CNOT4: variants seen among roughly 807,000 people sequenced by gnomAD.
CNOT4 encodes the protein CCR4-NOT transcription complex subunit 4, also known as CCR4-associated factor 4.
A neutral mutation model predicts 73.8 loss-of-function variants in CNOT4; 8 were observed. The ratio of observed to expected loss-of-function variants is 0.11; its 90% confidence interval spans 0.06 to 0.20. The LOEUF (loss-of-function observed/expected upper bound fraction) is 0.20, where lower values mean the gene tolerates loss of function less well. CNOT4 is among the 10% of genes least tolerant of loss of function. The pLI, the probability that CNOT4 is intolerant of heterozygous loss-of-function variation, is 1.00. For synonymous variants in CNOT4, 293 were observed against 321.1 expected (o/e 0.91, Z 0.94); for missense variants, 564 against 883.4 (o/e 0.64, Z 4.58).
chr7:135,505,244 G>A (rs1447211754), intron 1 of CNOT4, among the ~76,000 whole-genome samples: 1 of 152,084 alleles, frequency 6.6e-6, no homozygotes. Flanking sequence ...TGTATAAACA[G>A]AGTTTAATAA....
In CNOT4 at chr7:135,497,193, A is replaced by AG. The variant is rs755342883; in HGVS notation, c.-93+12695dup. ...GAAGCCGAGGCAGGCGGATTGCTTGAGGCCAGGAGCTCAAGACCAGCCCGG... is the reference window on the plus strand; with the variant it reads ...GAAGCCGAGGCAGGCGGATTGCTTGAGGGCCAGGAGCTCAAGACCAGCCCGG... On this transcript the variant is annotated intron_variant, in intron 1 of 11. Coordinates refer to ENST00000541284, the MANE Select transcript of CNOT4 (RefSeq NM_001190850.2). Among the ~76,000 whole-genome samples the AG allele has an allele frequency of 8.6e-5, 13 of 152,044 alleles. No homozygotes were observed. The East Asian group carries it at 1.2e-3, about 14-fold the overall frequency.
At chr7:135,382,150 C>T (rs1214012593) in intron 10 of CNOT4, among the ~76,000 whole-genome samples, 2 of 152,184 alleles carry the variant, frequency 1.3e-5, no homozygotes, top group East Asian at 3.8e-4. Context: ...ATTACTTAGG[C>T]TTGCTCTCAG....
chr7:135,391,273 T>G (rs1585572467), intron 10 of CNOT4, among the ~76,000 whole-genome samples: 4 of 152,134 alleles, frequency 2.6e-5, no homozygotes, highest in Non-Finnish European at 5.9e-5. Flanking sequence ...ATCTACCAAA[T>G]ATTTATAATC....
At chr7:135,405,596 A>C (rs1187502493) in intron 7 of CNOT4, among the ~76,000 whole-genome samples, 1 of 152,236 alleles carries the variant, frequency 6.6e-6, no homozygotes. Context: ...CAACTTATTC[A>C]TAGCACATAT....
At chr7:135,426,579 GGT>G (rs2129484740) in intron 2 of CNOT4, among the ~76,000 whole-genome samples, 1 of 149,354 alleles carries the variant, frequency 6.7e-6, no homozygotes, top group South Asian at 2.1e-4. Context: ...CTCCAGCCTG[GGT>G]GACAGAGCAA....
intron 10 of CNOT4, among the ~76,000 whole-genome samples, chr7:135,374,939 C>A (rs1003821172): frequency 6.6e-6 from 1 of 152,038 alleles, no homozygotes; most frequent in Non-Finnish European, 1.5e-5. Context: ...GGTAATGGAA[C>A]GCCTAAAAAA....
intron 1 of CNOT4, among the ~76,000 whole-genome samples, chr7:135,471,897 G>A (rs943539136): frequency 6.6e-6 from 1 of 152,198 alleles, no homozygotes; most frequent in Non-Finnish European, 1.5e-5. Context: ...TATTGGCCAG[G>A]CGCGGTGGCT....
intron 1 of CNOT4, among the ~76,000 whole-genome samples, chr7:135,501,772 T>C (rs1166372906): frequency 6.6e-6 from 1 of 152,192 alleles, no homozygotes; most frequent in African/African-American, 2.4e-5. Flanking sequence ...ATTAACACTT[T>C]ATTCCATTGA....
intron 1 of CNOT4, among the ~76,000 whole-genome samples, chr7:135,475,481 T>C (rs1317180631): frequency 6.6e-6 from 1 of 151,904 alleles, no homozygotes; most frequent in East Asian, 1.9e-4. Flanking sequence ...AAAACTGAAT[T>C]TGGTAGAAGT....
intron 1 of CNOT4, among the ~76,000 whole-genome samples, chr7:135,484,869 ATAGT>A (rs1391041963): frequency 4.6e-5 from 7 of 152,210 alleles, no homozygotes; most frequent in Non-Finnish European, 8.8e-5. Context: ...AGAAAATGAA[ATAGT>A]TAGGTATAAA....
rs144941207 is a variant in CNOT4 at position 135,439,449 on chromosome 7, A to G, written c.-92-1026T>C. On this transcript the variant is annotated intron_variant, in intron 1 of 11. Transcript: ENST00000541284. ...TAATTTCCTATTAGTATAAAATTAG[A>G]CAAAAGAGCAAAGAAACTAAAGAAT... Among the ~76,000 whole-genome samples the G allele has an allele frequency of 1.8e-3, 273 of 152,338 alleles. 1 individual carries two copies. Among genetic ancestry groups the G allele is most frequent in the African/African-American group, 6.1e-3 (255 of 41,574 alleles).
At chr7:135,459,117 A>G (rs1800721302) in intron 1 of CNOT4, among the ~76,000 whole-genome samples, 1 of 152,078 alleles carries the variant, frequency 6.6e-6, no homozygotes. Context: ...ATGTTGTGTT[A>G]GCAGGCATGA....
chr7:135,501,860 G>A (rs1397087349), intron 1 of CNOT4, among the ~76,000 whole-genome samples: 2 of 152,134 alleles, frequency 1.3e-5, no homozygotes, highest in African/African-American at 4.8e-5. Context: ...TGGTCTAAAT[G>A]TCTCCTCCAC....
rs548071392 is a variant in CNOT4, at chr7:135,363,947, C to T, written c.1747G>A (p.Ala583Thr). The T allele has an allele frequency of 2.9e-5, 47 of 1,597,938 alleles. No homozygotes were observed. The Admixed American group carries it at 3.8e-4, about 13-fold the overall frequency. ...GLPNSSSPSN[A>T]NHSAPTSNTA... is the part of the protein sequence containing the mutation. ...TTGGACGTTGGTGCACTGTGGTTGG[C>T]GTTGGAGGGGGAAGAAGAATTGGGC... Residue 583 changes from alanine (A) to threonine (T), a missense_variant, in exon 11 of 12, where the codon GCC becomes ACC. Physicochemically the swap from Ala to Thr is moderately conservative, Grantham distance 58 (BLOSUM62 0). Transcript: ENST00000541284. The surrounding 1 kb of genome is among the most constrained non-coding windows in gnomAD (Gnocchi z 4.3).
intron 10 of CNOT4, among the ~76,000 whole-genome samples, chr7:135,391,948 T>C (rs983920951): frequency 6.6e-6 from 1 of 151,860 alleles, no homozygotes; most frequent in African/African-American, 2.4e-5. Flanking sequence ...ATTGTCAGAG[T>C]TTCTCATCTT....
At chr7:135,466,276 G>A (rs1801213261) in intron 1 of CNOT4, among the ~76,000 whole-genome samples, 6 of 151,684 alleles carry the variant, frequency 4.0e-5, no homozygotes, top group Middle Eastern at 3.4e-3. Flanking sequence ...GAGATCAGGA[G>A]TTTGAGAACA....
In CNOT4 at chr7:135,364,894, C is replaced by T. The variant is rs1439581866; in HGVS notation, c.1628-828G>A. Among the ~76,000 whole-genome samples the T allele has an allele frequency of 1.3e-5, 2 of 152,166 alleles. No homozygotes were observed. The highest frequency in any genetic ancestry group is 1.3e-4 in the Admixed American group (2 of 15,282). The stretch of plus-strand genomic sequence containing the variant: ...ACCATCCAGAATCCACATAGTATAA[C>T]TAACTGGTCAGGGGGAAAAGGGTGA... On this transcript the variant is annotated intron_variant, in intron 10 of 11. Coordinates refer to ENST00000541284, the MANE Select transcript of CNOT4 (RefSeq NM_001190850.2). This position sits in a 1 kb window ranked among gnomAD's most constrained non-coding sequence, Gnocchi z 4.3.
chr7:135,502,334 G>A (rs1025945846), intron 1 of CNOT4, among the ~76,000 whole-genome samples: 1 of 152,096 alleles, frequency 6.6e-6, no homozygotes, highest in African/African-American at 2.4e-5. Flanking sequence ...TCACTCCTAG[G>A]ACTTTAGTCT....
At chr7:135,444,579 T>C in intron 1 of CNOT4, 1 of 1,368,766 alleles carries the variant, frequency 7.3e-7, no homozygotes, top group South Asian at 1.2e-5. Context: ...TATCCCAGAA[T>C]GATGTGGAGT....
Sources: gnomAD v4.1 joint callset for allele counts (sites outside exome capture counted in the v4.1 genomes callset) on GRCh38, gnomAD v4.1.1 for gene constraint, Gnocchi (gnomAD v3.1) non-coding constraint, MANE v1.5 for transcripts, NCBI Gene and HGNC (gene_info 2026-07-23, HGNC 2026-07-21) for gene names.